The following ABL2 variants were observed in gnomAD, a reference collection of about 807,000 sequenced individuals.
The protein encoded by ABL2 is tyrosine-protein kinase ABL2.
In ABL2, 49 loss-of-function variants were observed where a neutral mutation model predicts 107.7. The ratio of observed to expected loss-of-function variants is 0.45; its 90% confidence interval spans 0.36 to 0.58. The LOEUF (loss-of-function observed/expected upper bound fraction) is 0.58. Ranked by LOEUF, ABL2 falls within the 20% of genes least tolerant of loss-of-function variation. ABL2 has a pLI of 0.00. For missense variants in ABL2, 1,245 were observed against 1,457.0 expected (o/e 0.85, Z 2.37); for synonymous variants, 549 against 548.6 (o/e 1.00, Z -0.01).
chr1:179,226,778 T>A (rs1416712455), intron 1 of ABL2, among the ~76,000 whole-genome samples: 2 of 152,116 alleles, frequency 1.3e-5, no homozygotes, highest in African/African-American at 4.8e-5. Context: ...TTGTCCCAGG[T>A]CACAAAGCTC....
intron 1 of ABL2, among the ~76,000 whole-genome samples, chr1:179,135,482 C>G (rs1410076928): frequency 2.7e-5 from 4 of 147,076 alleles, no homozygotes; most frequent in African/African-American, 1.0e-4. Flanking sequence ...AAGTGAGGAG[C>G]CCCTCCGCCC....
At chr1:179,208,968 C>T (rs1662126580) in intron 1 of ABL2, among the ~76,000 whole-genome samples, 1 of 152,112 alleles carries the variant, frequency 6.6e-6, no homozygotes, top group African/African-American at 2.4e-5. Flanking sequence ...AAAAAATAGG[C>T]ACTAACAAAA....
intron 9 of ABL2, among the ~76,000 whole-genome samples, chr1:179,114,357 G>A (rs1488834881): frequency 5.1e-5 from 1 of 19,760 alleles, no homozygotes; most frequent in Non-Finnish European, 1.0e-4. Flanking sequence ...TCAGTGAGCC[G>A]AAATCACGTC....
intron 1 of ABL2, among the ~76,000 whole-genome samples, chr1:179,219,807 A>C (rs1662775532): frequency 6.6e-6 from 1 of 152,256 alleles, no homozygotes; most frequent in South Asian, 2.1e-4. Flanking sequence ...ATAAATGCTA[A>C]GGCAATTCTA....
intron 1 of ABL2, among the ~76,000 whole-genome samples, chr1:179,211,292 A>T (rs2124823270): frequency 6.6e-6 from 1 of 152,246 alleles, no homozygotes; most frequent in East Asian, 1.9e-4. Context: ...CTGAGGCGGG[A>T]GAATTGCTTT....
intron 11 of ABL2, 62 bp from the exon 12 acceptor site, chr1:179,109,503 T>A (rs535936615): frequency 6.5e-7 from 1 of 1,534,354 alleles, no homozygotes; most frequent in South Asian, 1.3e-5. Context: ...ACATTTGAGT[T>A]ACCGAGGCTG....
At chr1:179,135,765 G>A (rs1230187816) in intron 1 of ABL2, among the ~76,000 whole-genome samples, 1,513 of 136,574 alleles carry the variant, frequency 0.011, 42 homozygotes, top group African/African-American at 0.041. Flanking sequence ...TGCCCCGTCC[G>A]GGAGGGAGGT....
chr1:179,120,342 T>C, intron 5 of ABL2, 68 bp from the exon 6 acceptor site: 2 of 898,858 alleles, frequency 2.2e-6, no homozygotes, highest in Admixed American at 2.2e-5. Context: ...AATCATTTCA[T>C]TCATCTCACA....
intron 6 of ABL2, among the ~76,000 whole-genome samples, chr1:179,119,600 G>A (rs1654989868): frequency 6.7e-6 from 1 of 150,314 alleles, no homozygotes; most frequent in South Asian, 2.1e-4. Context: ...AAGGAAAAAG[G>A]CTTAGTAAGA....
intron 1 of ABL2, among the ~76,000 whole-genome samples, chr1:179,160,982 C>T (rs1659031699): frequency 6.6e-6 from 1 of 152,164 alleles, no homozygotes; most frequent in African/African-American, 2.4e-5. Flanking sequence ...AATCCTCCCA[C>T]CTCGGCCTCC....
intron 9 of ABL2, 97 bp from the exon 10 acceptor site, chr1:179,112,495 T>TA: frequency 1.2e-6 from 1 of 858,434 alleles, no homozygotes; most frequent in Non-Finnish European, 1.9e-6. Flanking sequence ...GATGCACACT[T>TA]ATTAAAGTAC....
At position 179,107,644 on chromosome 1, in the gene ABL2, A is replaced by C; in HGVS notation, c.*74T>G. Reference sequence around the variant, plus strand: ...TATGAGTCTTTCATTTTCTGAAAACAAGAACACAGGAAAACAAGTCCTTTT... The same window carrying C: ...TATGAGTCTTTCATTTTCTGAAAACCAGAACACAGGAAAACAAGTCCTTTT... On this transcript the variant is annotated 3_prime_UTR_variant, in exon 12 of 12. Transcript: ENST00000502732. 1 of 1,520,328 alleles carries C rather than the reference A, an allele frequency of 6.6e-7. No homozygotes were observed. Among genetic ancestry groups the C allele is most frequent in the East Asian group, 2.3e-5 (1 of 44,076 alleles). 94.2% of individuals were successfully genotyped at this position (1,520,328 alleles called of 1,614,324 possible).
chr1:179,129,671 G>A (rs1397899623), intron 3 of ABL2, among the ~76,000 whole-genome samples: 1 of 144,856 alleles, frequency 6.9e-6, no homozygotes, highest in Non-Finnish European at 1.5e-5. Context: ...GACAGAGCGA[G>A]ACTCTGTCTC....
At chr1:179,229,172 C>CA in intron 1 of ABL2, 69 bp downstream of exon 1, 3 of 351,900 alleles carry the variant, frequency 8.5e-6, no homozygotes, top group South Asian at 2.5e-5. Flanking sequence ...GCCCGTCCGC[C>CA]ACCCACCCCG....
At chr1:179,130,871 A>G (rs1403287521) in intron 3 of ABL2, among the ~76,000 whole-genome samples, 1 of 152,054 alleles carries the variant, frequency 6.6e-6, no homozygotes, top group Non-Finnish European at 1.5e-5. Flanking sequence ...TAGTCTGCCT[A>G]AGCTTATTCT....
intron 1 of ABL2, among the ~76,000 whole-genome samples, chr1:179,214,396 A>G (rs1662445665): frequency 6.6e-6 from 1 of 151,814 alleles, no homozygotes; most frequent in South Asian, 2.1e-4. Context: ...TTTAAGAACA[A>G]CATAATGATT....
chr1:179,107,530 T>C lies in ABL2; in HGVS notation c.*188A>G, dbSNP rs886984683. 1.5e-5 allele frequency: 18 copies of C among 1,212,464 alleles called. No individual in the cohort carries two copies. The African/African-American group carries it at 2.0e-4, about 13-fold the overall frequency. 75.1% of individuals were successfully genotyped at this position (1,212,464 alleles called of 1,614,324 possible). A position where few individuals can be genotyped will look rare whatever the true frequency, so the allele number is the denominator to read the frequency against. ...GCCCCCACTTAATTTACCTCTCCTATACTTATGTGGTTTGCTTCTTATTTT... is the reference window on the plus strand; with the variant it reads ...GCCCCCACTTAATTTACCTCTCCTACACTTATGTGGTTTGCTTCTTATTTT... On this transcript the variant is annotated 3_prime_UTR_variant, in exon 12 of 12. Transcript: ENST00000502732.
rs1660289796 is a variant in ABL2 at position 179,180,154 on chromosome 1, T to C, written c.158-46780A>G. 2.0e-5 allele frequency among the ~76,000 whole-genome samples: 3 copies of C among 151,510 alleles called. No homozygotes were observed. The South Asian group carries it at 6.2e-4, about 32-fold the overall frequency. ...AAAAAAAAAAGGGGGGAAATACTTC[T>C]GGACCACCTACTGTATGCCAAGGAC... On this transcript the variant is annotated intron_variant, in intron 1 of 11. Coordinates refer to ENST00000502732, the MANE Select transcript of ABL2 (RefSeq NM_007314.4).
At chr1:179,174,103 C>T (rs933855762) in intron 1 of ABL2, among the ~76,000 whole-genome samples, 15 of 151,928 alleles carry the variant, frequency 9.9e-5, no homozygotes, top group African/African-American at 3.4e-4. Context: ...TCCTCACCAA[C>T]ATGGTGAAAC....
Sources: gnomAD v4.1 joint callset for allele counts (sites outside exome capture counted in the v4.1 genomes callset) on GRCh38, gnomAD v4.1.1 for gene constraint, MANE v1.5 for transcripts, NCBI Gene and HGNC (gene_info 2026-07-23, HGNC 2026-07-21) for gene names.